The following GRIN2A variants were observed in gnomAD, a reference collection of about 807,000 sequenced individuals.
The protein encoded by GRIN2A is glutamate ionotropic receptor NMDA type subunit 2A.
A neutral mutation model predicts 113.4 loss-of-function variants in GRIN2A; 22 were observed. That is an observed-to-expected ratio of 0.19 (90% CI 0.14 to 0.28). GRIN2A has a LOEUF of 0.28. Ranked by LOEUF, GRIN2A falls within the 10% of genes least tolerant of loss-of-function variation. The pLI, the probability that GRIN2A is intolerant of heterozygous loss-of-function variation, is 1.00. For synonymous variants in GRIN2A, 827 were observed against 738.4 expected (o/e 1.12, Z -1.94); for missense variants, 1,502 against 1,887.0 (o/e 0.80, Z 3.78).
At chr16:10,019,150 G>C (rs2046668086) in intron 2 of GRIN2A, among the ~76,000 whole-genome samples, 1 of 150,512 alleles carries the variant, frequency 6.6e-6, no homozygotes, top group African/African-American at 2.4e-5. Context: ...AATAAAAAGA[G>C]GGAAGTCACC....
intron 2 of GRIN2A, among the ~76,000 whole-genome samples, chr16:10,134,855 G>T (rs1159298407): frequency 6.6e-6 from 1 of 152,024 alleles, no homozygotes; most frequent in Non-Finnish European, 1.5e-5. Flanking sequence ...ATGGCCAAGG[G>T]GTACATGAGT....
intron 3 of GRIN2A, among the ~76,000 whole-genome samples, chr16:9,917,706 C>A (rs1403102920): frequency 6.6e-6 from 1 of 152,154 alleles, no homozygotes; most frequent in Non-Finnish European, 1.5e-5. Context: ...TTAAAAACTT[C>A]CTTTGGAAAG....
chr16:9,753,528 T>A lies in GRIN2A; in HGVS notation c.*9621A>T, dbSNP rs1596365337. 1.5e-5 allele frequency: 3 copies of A among 203,216 alleles called. No individual in the cohort carries two copies. In the East Asian group the frequency reaches 2.3e-4, roughly 15 times the overall value. The allele number at this position is 203,216 out of a possible 1,614,324, so 12.6% of individuals were successfully genotyped here. On this transcript the variant is annotated 3_prime_UTR_variant, in exon 13 of 13. Coordinates refer to ENST00000330684, the MANE Select transcript of GRIN2A (RefSeq NM_001134407.3). Reference sequence around the variant, plus strand: ...GCCTCAGGAGTTATATACATATCAGTTTGCACACGAATTTCAATCCCCATT... The same window carrying A: ...GCCTCAGGAGTTATATACATATCAGATTGCACACGAATTTCAATCCCCATT...
chr16:10,086,112 T>G (rs1252869396), intron 2 of GRIN2A, among the ~76,000 whole-genome samples: 2 of 152,192 alleles, frequency 1.3e-5, no homozygotes, highest in African/African-American at 4.8e-5. Flanking sequence ...GTTTGTTGAA[T>G]TGGATGACAC....
chr16:10,052,006 C>T (rs1178217059), intron 2 of GRIN2A, among the ~76,000 whole-genome samples: 1 of 152,198 alleles, frequency 6.6e-6, no homozygotes, highest in Non-Finnish European at 1.5e-5. Flanking sequence ...CTCAAACTAC[C>T]TCTTTTACTG....
chr16:9,891,694 G>C (rs951058353), intron 3 of GRIN2A, among the ~76,000 whole-genome samples: 9 of 152,180 alleles, frequency 5.9e-5, no homozygotes, highest in Non-Finnish European at 1.2e-4. Flanking sequence ...GGTGAGGCAA[G>C]GCTGAGGAAG....
chr16:9,789,538 TA>T lies in GRIN2A; in HGVS notation c.2356+8738del, dbSNP rs565158166. ...GGAAAACAAACCTTGGTTGATAAGATATATGAAACATACATACACACACACA... is the reference window on the plus strand; with the variant it reads ...GGAAAACAAACCTTGGTTGATAAGATTATGAAACATACATACACACACACA... On this transcript the variant is annotated intron_variant, in intron 11 of 12. Coordinates refer to ENST00000330684, the MANE Select transcript of GRIN2A (RefSeq NM_001134407.3). 7.1e-3 allele frequency among the ~76,000 whole-genome samples: 1,060 copies of T among 149,460 alleles called. 17 individuals are homozygous for T. Among genetic ancestry groups the T allele is most frequent in the African/African-American group, 0.024 (988 of 40,798 alleles).
rs551384624 is a variant in GRIN2A at position 9,967,400 on chromosome 16, C to G, written c.415-28849G>C. ...AAGTGGGAGCTAAGCTATGACGATGCAAAGGTATAAGAATGATACAATGGG... is the reference window on the plus strand; with the variant it reads ...AAGTGGGAGCTAAGCTATGACGATGGAAAGGTATAAGAATGATACAATGGG... On this transcript the variant is annotated intron_variant, in intron 2 of 12. Transcript: ENST00000330684. Among the ~76,000 whole-genome samples, 99 of 152,196 alleles carry G rather than the reference C, an allele frequency of 6.5e-4. 2 individuals carry two copies. The highest frequency in any genetic ancestry group is 2.3e-3 in the African/African-American group (95 of 41,538).
At chr16:9,939,321 A>C (rs1485956642) in intron 2 of GRIN2A, among the ~76,000 whole-genome samples, 1 of 152,184 alleles carries the variant, frequency 6.6e-6, no homozygotes, top group Non-Finnish European at 1.5e-5. Context: ...ACTATCTCAG[A>C]AGCTGTAGAT....
chr16:10,044,007 G>GTGTATA lies in GRIN2A; in HGVS notation c.415-105457_415-105456insTATACA, dbSNP rs1555469968. 2.5e-3 allele frequency among the ~76,000 whole-genome samples: 298 copies of GTGTATA among 116,872 alleles called. 1 individual carries two copies. The highest frequency in any genetic ancestry group is 6.4e-3 in the African/African-American group (193 of 30,050). The allele number at this position is 116,872 out of a possible 152,430, so 76.7% of individuals were successfully genotyped here. On this transcript the variant is annotated intron_variant, in intron 2 of 12. Transcript: ENST00000330684. ...TACACATACGTGTGTGTGTGTGTGT[G>GTGTATA]TATATATATATATATAGAGAGAGAG...
At chr16:10,134,215 AAAT>A (rs138468915) in intron 2 of GRIN2A, among the ~76,000 whole-genome samples, 29,574 of 127,942 alleles carry the variant, frequency 0.23, 4,254 homozygotes, top group East Asian at 0.36. Context: ...AAAAAAAAAA[AAAT>A]GGAGAGGAGA....
At chr16:9,949,548 G>C (rs911049617) in intron 2 of GRIN2A, among the ~76,000 whole-genome samples, 1 of 151,484 alleles carries the variant, frequency 6.6e-6, no homozygotes, top group African/African-American at 2.4e-5. Context: ...GGATGGTTGG[G>C]AGGATGAATG....
chr16:9,821,965 CT>C (rs1279633481), intron 10 of GRIN2A, among the ~76,000 whole-genome samples: 1 of 152,182 alleles, frequency 6.6e-6, no homozygotes, highest in Non-Finnish European at 1.5e-5. Context: ...CTTCTTGGAT[CT>C]TTCTATTTGT....
intron 2 of GRIN2A, among the ~76,000 whole-genome samples, chr16:9,982,698 T>G (rs143995229): frequency 7.2e-5 from 11 of 152,364 alleles, no homozygotes; most frequent in African/African-American, 2.4e-4. Flanking sequence ...ATGCCCAAGC[T>G]GTTCCATCTT....
intron 2 of GRIN2A, among the ~76,000 whole-genome samples, chr16:9,949,420 C>T (rs1220840475): frequency 6.7e-6 from 1 of 148,992 alleles, no homozygotes; most frequent in Non-Finnish European, 1.5e-5. Flanking sequence ...AATGGATGGA[C>T]AGGTGGATGG....
chr16:10,147,798 T>G (rs34348078), intron 2 of GRIN2A, among the ~76,000 whole-genome samples: 17,891 of 152,130 alleles, frequency 0.12, 1,082 homozygotes, highest in African/African-American at 0.16. Context: ...AATTCTCCAT[T>G]TCTCTCTGTT....
chr16:10,069,563 C>T (rs2047712036), intron 2 of GRIN2A, among the ~76,000 whole-genome samples: 1 of 152,256 alleles, frequency 6.6e-6, no homozygotes, highest in African/African-American at 2.4e-5. Context: ...GCTGCACACA[C>T]CCACCTCGTG....
intron 5 of GRIN2A, among the ~76,000 whole-genome samples, chr16:9,848,846 A>G (rs1363744252): frequency 2.9e-5 from 1 of 34,550 alleles, no homozygotes; most frequent in African/African-American, 1.4e-4. Context: ...TTATATATTT[A>G]AATATATAAA....
At chr16:10,010,448 C>T (rs1490011857) in intron 2 of GRIN2A, among the ~76,000 whole-genome samples, 2 of 152,196 alleles carry the variant, frequency 1.3e-5, no homozygotes, top group Non-Finnish European at 2.9e-5. Context: ...CAAACTTGCA[C>T]ATGAACCCTC....
Sources: allele counts gnomAD v4.1 joint callset (sites outside exome capture counted in the v4.1 genomes callset), GRCh38; gene constraint gnomAD v4.1.1; transcripts MANE v1.5; gene names NCBI Gene and HGNC (gene_info 2026-07-23, HGNC 2026-07-21).